The following CDH13 variants were observed in gnomAD, a reference collection of about 807,000 sequenced individuals.
CDH13 encodes cadherin 13, also known as cadherin-13.
A neutral mutation model predicts 63.8 loss-of-function variants in CDH13; 24 were observed. That is an observed-to-expected ratio of 0.38 (90% CI 0.27 to 0.53). The LOEUF (loss-of-function observed/expected upper bound fraction) is 0.53. CDH13 is among the 20% of genes least tolerant of loss of function. The probability of loss-of-function intolerance (pLI) is 0.85; values close to 1 mark genes in which losing one functional copy is unlikely to be tolerated. For synonymous variants in CDH13, 503 were observed against 355.3 expected (o/e 1.42, Z -4.67); for missense variants, 1,049 against 903.1 (o/e 1.16, Z -2.07).
At chr16:82,650,933 G>C (rs1396540369) in intron 1 of CDH13, among the ~76,000 whole-genome samples, 2 of 152,162 alleles carry the variant, frequency 1.3e-5, no homozygotes, top group South Asian at 2.1e-4. Flanking sequence ...GTGAAGTTGG[G>C]GTTTGAAATT....
intron 1 of CDH13, among the ~76,000 whole-genome samples, chr16:82,652,787 A>C (rs8056787): frequency 0.52 from 78,630 of 150,136 alleles, 21,155 homozygotes; most frequent in African/African-American, 0.68. Context: ...TAGTGGACCT[A>C]TGGTCTTTTG....
chr16:83,449,425 C>A (rs142336835), intron 6 of CDH13, among the ~76,000 whole-genome samples: 3 of 152,170 alleles, frequency 2.0e-5, no homozygotes, highest in Non-Finnish European at 4.4e-5. Context: ...TTCGTCATGT[C>A]CTTCAGGGCC....
chr16:83,481,524 C>G (rs1041086352), intron 6 of CDH13, among the ~76,000 whole-genome samples: 2 of 152,184 alleles, frequency 1.3e-5, no homozygotes, highest in African/African-American at 4.8e-5. Flanking sequence ...CCAGGCGGCA[C>G]TTGCTTTAAT....
intron 4 of CDH13, among the ~76,000 whole-genome samples, chr16:83,152,493 C>A (rs1467900835): frequency 6.6e-6 from 1 of 152,154 alleles, no homozygotes. Context: ...TGGACTGGTA[C>A]TTAAAGGTGA....
At chr16:83,486,717 A>G (rs1040173143) in intron 7 of CDH13, 62 bp downstream of exon 7, 10 of 1,481,794 alleles carry the variant, frequency 6.7e-6, no homozygotes, top group Admixed American at 1.7e-5. Flanking sequence ...CATGCAAGGG[A>G]TGATGTGGGG....
intron 10 of CDH13, among the ~76,000 whole-genome samples, chr16:83,733,682 G>A (rs186401518): frequency 6.9e-4 from 105 of 152,344 alleles, no homozygotes; most frequent in Middle Eastern, 6.8e-3. Context: ...AGGCCATGGT[G>A]TGTCGGTTAA....
At chr16:83,346,009 A>G (rs899197899) in intron 6 of CDH13, among the ~76,000 whole-genome samples, 10 of 152,184 alleles carry the variant, frequency 6.6e-5, no homozygotes, top group Non-Finnish European at 5.9e-5. Context: ...CCAGACAACC[A>G]GGTGGATAAT....
intron 8 of CDH13, among the ~76,000 whole-genome samples, chr16:83,636,627 A>G (rs1329094032): frequency 1.3e-5 from 2 of 152,208 alleles, no homozygotes; most frequent in Admixed American, 1.3e-4. Context: ...TTCTATGGTT[A>G]CATAGTATTC....
rs138123897 is a variant in CDH13 at position 83,644,333 on chromosome 16, T to C, written c.1102-26457T>C. Among the ~76,000 whole-genome samples, 217 of 152,326 alleles carry C rather than the reference T, an allele frequency of 1.4e-3. 2 individuals are homozygous for C. Among genetic ancestry groups the C allele is most frequent in the African/African-American group, 5.0e-3 (209 of 41,584 alleles). On this transcript the variant is annotated intron_variant, in intron 8 of 13. Coordinates refer to ENST00000567109, the MANE Select transcript of CDH13 (RefSeq NM_001257.5). ...TAATGGCTTTGTATTGTGTTCTGTT[T>C]TATAGATGTCCCACCATTTGACCAA...
intron 7 of CDH13, among the ~76,000 whole-genome samples, chr16:83,526,649 G>T (rs113838809): frequency 6.6e-6 from 1 of 152,188 alleles, no homozygotes. Context: ...CCGTGGCCCG[G>T]GGGCTGGCGG....
intron 1 of CDH13, among the ~76,000 whole-genome samples, chr16:82,648,153 T>G (rs1281492149): frequency 2.6e-5 from 4 of 152,188 alleles, no homozygotes; most frequent in Admixed American, 2.0e-4. Context: ...TTACCCAGTC[T>G]TGGGTATTTC....
intron 2 of CDH13, among the ~76,000 whole-genome samples, chr16:82,915,372 C>A (rs967616397): frequency 6.6e-6 from 1 of 152,168 alleles, no homozygotes; most frequent in Non-Finnish European, 1.5e-5. Flanking sequence ...AACTTGACTC[C>A]AAGGGCCAAA....
intron 10 of CDH13, among the ~76,000 whole-genome samples, chr16:83,679,537 C>T (rs376711686): frequency 2.0e-5 from 3 of 152,204 alleles, no homozygotes; most frequent in Admixed American, 6.5e-5. Context: ...TTTATTTTTA[C>T]GGCTAAGCTT....
chr16:83,497,597 C>G (rs1394239744), intron 7 of CDH13, among the ~76,000 whole-genome samples: 1 of 151,786 alleles, frequency 6.6e-6, no homozygotes, highest in Non-Finnish European at 1.5e-5. Flanking sequence ...ACCAGCATGG[C>G]ACATGTATAC....
At chr16:82,867,391 G>A (rs955158720) in intron 2 of CDH13, among the ~76,000 whole-genome samples, 3 of 152,128 alleles carry the variant, frequency 2.0e-5, no homozygotes, top group African/African-American at 7.2e-5. Context: ...CGTATTTGTT[G>A]CTTTTCATAG....
At chr16:83,468,112 G>C (rs192008075) in intron 6 of CDH13, among the ~76,000 whole-genome samples, 69 of 152,310 alleles carry the variant, frequency 4.5e-4, no homozygotes, top group African/African-American at 1.6e-3. Flanking sequence ...GGCATGATGA[G>C]ATCAAGTCCT....
At chr16:83,168,303 G>A (rs921435179) in intron 4 of CDH13, among the ~76,000 whole-genome samples, 2 of 151,836 alleles carry the variant, frequency 1.3e-5, no homozygotes, top group Non-Finnish European at 1.5e-5. Context: ...TCCAATGGAC[G>A]GTGCCATCCA....
intron 4 of CDH13, among the ~76,000 whole-genome samples, chr16:83,214,139 A>T (rs911108698): frequency 6.6e-6 from 1 of 152,092 alleles, no homozygotes; most frequent in African/African-American, 2.4e-5. Flanking sequence ...CGCTCTTCAC[A>T]GTAAATACTG....
intron 9 of CDH13, among the ~76,000 whole-genome samples, chr16:83,672,869 T>C (rs1004163233): frequency 3.3e-5 from 5 of 152,214 alleles, no homozygotes; most frequent in Admixed American, 2.6e-4. Context: ...GTCTGACAGA[T>C]TTTATAGACT....
Sources: allele counts gnomAD v4.1 joint callset (sites outside exome capture counted in the v4.1 genomes callset), GRCh38; gene constraint gnomAD v4.1.1; transcripts MANE v1.5; gene names NCBI Gene and HGNC (gene_info 2026-07-23, HGNC 2026-07-21).